FEM1C: variants seen among roughly 807,000 people sequenced by gnomAD.
FEM1C encodes the protein protein fem-1 homolog C.
In FEM1C, 15 loss-of-function variants were observed where a neutral mutation model predicts 37.6. The ratio of observed to expected loss-of-function variants is 0.40; its 90% confidence interval spans 0.27 to 0.61. The LOEUF (loss-of-function observed/expected upper bound fraction) is 0.61. Ranked by LOEUF, FEM1C falls within the 20% of genes least tolerant of loss-of-function variation. The probability of loss-of-function intolerance (pLI) is 0.42; values close to 1 mark genes in which losing one functional copy is unlikely to be tolerated. For missense variants in FEM1C, 532 were observed against 749.7 expected (o/e 0.71, Z 3.39); for synonymous variants, 287 against 272.8 (o/e 1.05, Z -0.51).
At chr5:115,535,874 A>G (rs1435237186) in intron 2 of FEM1C, among the ~76,000 whole-genome samples, 1 of 151,952 alleles carries the variant, frequency 6.6e-6, no homozygotes, top group African/African-American at 2.4e-5. Context: ...TCAATGGAAT[A>G]TTATTCTGCA....
chr5:115,537,378 G>A (rs1005693064), intron 2 of FEM1C, among the ~76,000 whole-genome samples: 5 of 152,012 alleles, frequency 3.3e-5, no homozygotes, highest in Non-Finnish European at 7.4e-5. Flanking sequence ...TTACTGCCAC[G>A]AACAATATGA....
chr5:115,542,856 T>G (rs1754269225), intron 2 of FEM1C, 94 bp downstream of exon 2: 1 of 1,450,582 alleles, frequency 6.9e-7, no homozygotes, highest in South Asian at 1.4e-5. Flanking sequence ...GGTCTGTCAA[T>G]GCTGGTTTAC....
At chr5:115,526,405 A>G (rs1193131769) in intron 2 of FEM1C, among the ~76,000 whole-genome samples, 2 of 152,056 alleles carry the variant, frequency 1.3e-5, no homozygotes, top group East Asian at 1.9e-4. Flanking sequence ...TTCATAATGG[A>G]TTATTTCCTA....
chr5:115,539,590 C>T lies in FEM1C; in HGVS notation c.544+3360G>A, dbSNP rs186489708. ...ATGGGAAAAGAAGAAAACCATTGTC[C>T]CCTCAGGTTATAAGTTGTTGGGGAT... On this transcript the variant is annotated intron_variant, in intron 2 of 2. Coordinates refer to ENST00000274457, the MANE Select transcript of FEM1C (RefSeq NM_020177.3). 1.7e-4 allele frequency among the ~76,000 whole-genome samples: 26 copies of T among 152,130 alleles called. No individual in the cohort carries two copies. The East Asian group carries it at 3.7e-3, about 21-fold the overall frequency.
chr5:115,534,214 C>T (rs1754074274), intron 2 of FEM1C, among the ~76,000 whole-genome samples: 1 of 151,924 alleles, frequency 6.6e-6, no homozygotes, highest in African/African-American at 2.4e-5. Flanking sequence ...AGTGCTCGTG[C>T]ATTAAAGGGT....
chr5:115,543,509 AG>A lies in FEM1C; in HGVS notation c.-17del, dbSNP rs1307281095. On this transcript the variant is annotated 5_prime_UTR_variant, in exon 2 of 3. Coordinates refer to ENST00000274457, the MANE Select transcript of FEM1C (RefSeq NM_020177.3). The stretch of plus-strand genomic sequence containing the variant: ...TTAGATCCATTTATGTCCAGTTGAG[AG>A]GCTGTGCTTTATTTATCTTTCAAAG... 5 of 1,580,028 alleles carry A rather than the reference AG, an allele frequency of 3.2e-6. No individual in the cohort carries two copies. The East Asian group carries it at 1.1e-4, about 35-fold the overall frequency.
chr5:115,521,078 CAA>C lies in FEM1C; in HGVS notation c.*3228_*3229del, dbSNP rs11330098. On this transcript the variant is annotated 3_prime_UTR_variant, in exon 3 of 3. Coordinates refer to ENST00000274457, the MANE Select transcript of FEM1C (RefSeq NM_020177.3). ...CTAGTTGTTTAGTGACACATAAGGGCAAAAAAAAAAAAAAGAAAAAGAAAAAA... is the reference window on the plus strand; with the variant it reads ...CTAGTTGTTTAGTGACACATAAGGGCAAAAAAAAAAAAGAAAAAGAAAAAA... The C allele has an allele frequency of 1.0e-3, 84 of 80,806 alleles. No individual in the cohort carries two copies. Among genetic ancestry groups the C allele is most frequent in the Non-Finnish European group, 1.3e-3 (47 of 35,796 alleles). 5.0% of individuals were successfully genotyped at this position (80,806 alleles called of 1,614,324 possible).
chr5:115,530,003 AT>A (rs1332595393), intron 2 of FEM1C, among the ~76,000 whole-genome samples: 36 of 152,082 alleles, frequency 2.4e-4, no homozygotes, highest in Non-Finnish European at 4.6e-4. Context: ...CAGTAATTAC[AT>A]TAAATGTAAG....
intron 2 of FEM1C, among the ~76,000 whole-genome samples, chr5:115,535,051 G>C (rs73780315): frequency 6.6e-6 from 1 of 151,710 alleles, no homozygotes; most frequent in Non-Finnish European, 1.5e-5. Flanking sequence ...TTTACTCTAA[G>C]TTTAACCATA....
rs985941181 is a variant in FEM1C at position 115,523,389 on chromosome 5, T to C, written c.*919A>G. On this transcript the variant is annotated 3_prime_UTR_variant, in exon 3 of 3. Coordinates refer to ENST00000274457, the MANE Select transcript of FEM1C (RefSeq NM_020177.3). ...AAATTCTCTACACCTAATCACACCA[T>C]CAGCACAAGCAGGACAATGCTGGAG... The C allele has an allele frequency of 6.6e-6, 1 of 152,472 alleles. No homozygotes were observed. Among genetic ancestry groups the C allele is most frequent in the African/African-American group, 2.4e-5 (1 of 41,424 alleles). The allele number at this position is 152,472 out of a possible 1,614,324, so 9.4% of individuals were successfully genotyped here. A position where few individuals can be genotyped will look rare whatever the true frequency, so the allele number is the denominator to read the frequency against.
intron 1 of FEM1C, chr5:115,544,169 A>G (rs992201342): frequency 1.5e-5 from 15 of 985,416 alleles, no homozygotes; most frequent in Non-Finnish European, 1.8e-5. Context: ...CTGTGCCCCG[A>G]AAGATTCTCT....
chr5:115,527,322 G>C (rs1422278340), intron 2 of FEM1C, among the ~76,000 whole-genome samples: 1 of 151,978 alleles, frequency 6.6e-6, no homozygotes, highest in African/African-American at 2.4e-5. Context: ...AAAAAAACAA[G>C]TTATTATAAG....
At chr5:115,530,801 A>T (rs554455591) in intron 2 of FEM1C, among the ~76,000 whole-genome samples, 3 of 152,002 alleles carry the variant, frequency 2.0e-5, no homozygotes, top group Non-Finnish European at 4.4e-5. Context: ...AAATCAGAAA[A>T]TTTTTTTAAC....
intron 2 of FEM1C, 113 bp from the exon 3 acceptor site, chr5:115,525,730 G>A: frequency 1.2e-6 from 1 of 808,922 alleles, no homozygotes; most frequent in South Asian, 2.2e-5. Flanking sequence ...AAGTTCCTAA[G>A]TAGGACATAC....
intron 2 of FEM1C, among the ~76,000 whole-genome samples, chr5:115,538,156 A>T (rs1372429157): frequency 1.3e-5 from 2 of 152,076 alleles, no homozygotes; most frequent in Non-Finnish European, 2.9e-5. Flanking sequence ...TAAGATGATG[A>T]ATACATAGTG....
chr5:115,533,043 G>C (rs555232475), intron 2 of FEM1C, among the ~76,000 whole-genome samples: 6 of 151,858 alleles, frequency 4.0e-5, no homozygotes, highest in African/African-American at 7.3e-5. Context: ...ATGTAAATAA[G>C]TCAATAAACA....
rs146346732 is a variant in FEM1C, at chr5:115,524,995, T to G, written c.1167A>C (p.Leu389=). Reference sequence around the variant, plus strand: ...CCCTATCCTGTAGCATAAAGGAGAATAGTTCTGCAAAAGATAATAAGCTGC... The same window carrying G: ...CCCTATCCTGTAGCATAAAGGAGAAGAGTTCTGCAAAAGATAATAAGCTGC... The part of the protein sequence containing the change: ...TASSLLSFAE[L]FSFMLQDRAK... Residue 389 remains leucine (L), a synonymous_variant, in exon 3 of 3, where the codon CTA becomes CTC. Transcript: ENST00000274457. 3 of 1,613,564 alleles carry G rather than the reference T, an allele frequency of 1.9e-6. No homozygotes were observed. The highest frequency in any genetic ancestry group is 4.5e-5 in the East Asian group (2 of 44,882).
chr5:115,541,359 C>A (rs1237610998), intron 2 of FEM1C, among the ~76,000 whole-genome samples: 2 of 151,978 alleles, frequency 1.3e-5, no homozygotes, highest in African/African-American at 2.4e-5. Flanking sequence ...AGAAAAATCA[C>A]AATGATCTTG....
intron 1 of FEM1C, chr5:115,544,244 C>A (rs1234082017): frequency 1.1e-6 from 1 of 927,468 alleles, no homozygotes; most frequent in African/African-American, 1.8e-5. Context: ...ACTTCGCCCG[C>A]CCCATTTCGA....
Sources: gnomAD v4.1 joint callset for allele counts (sites outside exome capture counted in the v4.1 genomes callset) on GRCh38, gnomAD v4.1.1 for gene constraint, MANE v1.5 for transcripts, NCBI Gene and HGNC (gene_info 2026-07-23, HGNC 2026-07-21) for gene names.